ZBTB7C: variants seen among roughly 807,000 people sequenced by gnomAD.
ZBTB7C encodes zinc finger and BTB domain containing 7C.
ZBTB7C carries 8 observed loss-of-function variants against 25.7 expected under a neutral mutation model. The ratio of observed to expected loss-of-function variants is 0.31; its 90% CI spans 0.18 to 0.56. The LOEUF is 0.56. Among genes scored for constraint, ZBTB7C ranks in the 20% least tolerant of loss-of-function variants. ZBTB7C has a pLI of 0.91. For missense variants in ZBTB7C, 824 were observed against 855.2 expected (o/e 0.96, Z 0.46); for synonymous variants, 394 against 369.0 (o/e 1.07, Z -0.78).
intron 2 of ZBTB7C, among the ~76,000 whole-genome samples, chr18:48,305,353 G>A (rs1278742494): frequency 6.6e-6 from 1 of 152,154 alleles, no homozygotes; most frequent in Non-Finnish European, 1.5e-5. Flanking sequence ...GATTTACGTG[G>A]GACTGTCAGG....
At chr18:48,380,775 T>G (rs1226870073) in intron 1 of ZBTB7C, among the ~76,000 whole-genome samples, 1 of 152,182 alleles carries the variant, frequency 6.6e-6, no homozygotes, top group Admixed American at 6.5e-5. Flanking sequence ...TAGTTAATGA[T>G]AACATACCAA....
intron 2 of ZBTB7C, among the ~76,000 whole-genome samples, chr18:48,188,954 A>G (rs987711570): frequency 6.6e-6 from 1 of 152,114 alleles, no homozygotes; most frequent in Non-Finnish European, 1.5e-5. Flanking sequence ...GTAATCAATC[A>G]CTTCTTAGGT....
At chr18:48,278,038 C>G (rs539592328) in intron 2 of ZBTB7C, among the ~76,000 whole-genome samples, 21 of 152,230 alleles carry the variant, frequency 1.4e-4, no homozygotes, top group Admixed American at 3.9e-4. Context: ...TTTCCAAAGA[C>G]AGCCACAGCA....
At chr18:48,063,420 G>GC (rs1466002731) in intron 3 of ZBTB7C, among the ~76,000 whole-genome samples, 1 of 152,218 alleles carries the variant, frequency 6.6e-6, no homozygotes, top group African/African-American at 2.4e-5. Context: ...CTGTGAGGGG[G>GC]CAGCCCTCTG....
intron 2 of ZBTB7C, among the ~76,000 whole-genome samples, chr18:48,189,592 C>T (rs2042143920): frequency 2.6e-5 from 4 of 152,050 alleles, no homozygotes; most frequent in Admixed American, 2.0e-4. Context: ...AGCTAGTGAC[C>T]TTCCAAGTTA....
intron 1 of ZBTB7C, among the ~76,000 whole-genome samples, chr18:48,395,460 A>AGT (rs1318370870): frequency 1.6e-4 from 9 of 55,382 alleles, no homozygotes; most frequent in Middle Eastern, 0.016. Flanking sequence ...GTTCTATTCA[A>AGT]ATGTGTGTGT....
intron 1 of ZBTB7C, among the ~76,000 whole-genome samples, chr18:48,353,603 A>T (rs1429380264): frequency 1.3e-5 from 2 of 152,094 alleles, no homozygotes; most frequent in Non-Finnish European, 2.9e-5. Context: ...ATCCCATCTG[A>T]TGTTAAAACC....
At chr18:48,168,413 GAA>G (rs1407515248) in intron 3 of ZBTB7C, among the ~76,000 whole-genome samples, 1 of 152,146 alleles carries the variant, frequency 6.6e-6, no homozygotes, top group East Asian at 1.9e-4. Context: ...TTTGATTACA[GAA>G]ATACCACAAT....
chr18:48,069,639 C>T (rs1008140484), intron 3 of ZBTB7C, among the ~76,000 whole-genome samples: 1 of 151,674 alleles, frequency 6.6e-6, no homozygotes, highest in Non-Finnish European at 1.5e-5. Context: ...GTATTCGGAG[C>T]CTCTACTATC....
At chr18:48,392,443 T>C (rs1195280968) in intron 1 of ZBTB7C, among the ~76,000 whole-genome samples, 5 of 152,200 alleles carry the variant, frequency 3.3e-5, no homozygotes, top group African/African-American at 1.2e-4. Flanking sequence ...ATGGCTGTGT[T>C]TCTCTGTTTG....
chr18:48,204,080 C>A (rs2042520710), intron 2 of ZBTB7C, among the ~76,000 whole-genome samples: 1 of 152,224 alleles, frequency 6.6e-6, no homozygotes, highest in Non-Finnish European at 1.5e-5. Context: ...CAGGCCCTCA[C>A]CCCTTCTCTC....
At chr18:48,160,819 G>A (rs943356618) in intron 3 of ZBTB7C, among the ~76,000 whole-genome samples, 1 of 152,102 alleles carries the variant, frequency 6.6e-6, no homozygotes, top group Non-Finnish European at 1.5e-5. Flanking sequence ...AGGGGGGCCA[G>A]GTGGCCTTCT....
At chr18:48,234,934 AC>A (rs555028509) in intron 2 of ZBTB7C, among the ~76,000 whole-genome samples, 45 of 152,282 alleles carry the variant, frequency 3.0e-4, no homozygotes, top group African/African-American at 1.0e-3. Context: ...TATGCTGTGA[AC>A]CTTGTTAGCA....
chr18:48,288,814 C>T (rs1442737328), intron 2 of ZBTB7C, among the ~76,000 whole-genome samples: 3 of 152,130 alleles, frequency 2.0e-5, no homozygotes, highest in Admixed American at 6.5e-5. Context: ...ACTTCCCAGC[C>T]TCCAGAAGTG....
intron 1 of ZBTB7C, among the ~76,000 whole-genome samples, chr18:48,389,228 C>G (rs1568418274): frequency 7.9e-3 from 741 of 93,542 alleles, no homozygotes; most frequent in African/African-American, 0.02. Flanking sequence ...CTCTCTCTCT[C>G]TCTCTCTCGT....
At chr18:48,210,701 C>T (rs11877704) in intron 2 of ZBTB7C, among the ~76,000 whole-genome samples, 2 of 151,484 alleles carry the variant, frequency 1.3e-5, no homozygotes, top group Non-Finnish European at 2.9e-5. Context: ...TACGAGGTGT[C>T]TCCGGGGGTA....
At chr18:48,147,560 G>T (rs2040533180) in intron 3 of ZBTB7C, 1 of 152,054 alleles carries the variant, frequency 6.6e-6, no homozygotes, top group Admixed American at 6.5e-5. Flanking sequence ...CCAGCTTTGA[G>T]GAACCTCTTT....
chr18:48,136,546 CT>C (rs1331549454), intron 3 of ZBTB7C, among the ~76,000 whole-genome samples: 1 of 152,064 alleles, frequency 6.6e-6, no homozygotes, highest in African/African-American at 2.4e-5. Context: ...GCATCTGACT[CT>C]CAGGAGGACC....
At chr18:48,152,023 T>G (rs948553625) in intron 3 of ZBTB7C, among the ~76,000 whole-genome samples, 9 of 152,134 alleles carry the variant, frequency 5.9e-5, no homozygotes, top group Admixed American at 2.6e-4. Context: ...GTGGGACCAG[T>G]TGACAGTGGG....
Sources: gnomAD v4.1 joint callset for allele counts (sites outside exome capture counted in the v4.1 genomes callset) on GRCh38, gnomAD v4.1.1 for gene constraint, MANE v1.5 for transcripts, NCBI Gene and HGNC (gene_info 2026-07-23, HGNC 2026-07-21) for gene names.